The following PGM1 variants were observed in gnomAD, a reference collection of about 807,000 sequenced individuals.
PGM1 encodes phosphoglucomutase-1.
A neutral mutation model predicts 55.6 loss-of-function variants in PGM1; 52 were observed. The ratio of observed to expected loss-of-function variants is 0.94; its 90% CI spans 0.75 to 1.18. PGM1 has a LOEUF of 1.18. Among genes scored for constraint, PGM1 ranks in the 50% most tolerant of loss-of-function variants. The pLI, the probability that PGM1 is intolerant of heterozygous loss-of-function variation, is 0.00. For missense variants in PGM1, 724 were observed against 729.3 expected (o/e 0.99, Z 0.08); for synonymous variants, 287 against 271.7 (o/e 1.06, Z -0.55).
At chr1:63,623,272 A>G in intron 1 of PGM1, 1 of 1,429,128 alleles carries the variant, frequency 7.0e-7, no homozygotes, top group Non-Finnish European at 9.1e-7. Context: ...GTGGCCCTTA[A>G]CTTGTTCACA....
chr1:63,630,498 C>A (rs999989010), intron 3 of PGM1, among the ~76,000 whole-genome samples: 1 of 152,162 alleles, frequency 6.6e-6, no homozygotes, highest in African/African-American at 2.4e-5. Flanking sequence ...GATGAGGAAA[C>A]AAAGGCTGAG....
chr1:63,595,286 G>A (rs1283001438), intron 1 of PGM1, among the ~76,000 whole-genome samples: 2 of 152,128 alleles, frequency 1.3e-5, no homozygotes, highest in South Asian at 2.1e-4. Context: ...AGTTGCCAAC[G>A]AGGACGCTGA....
At chr1:63,637,927 C>T (rs1421582465) in intron 6 of PGM1, among the ~76,000 whole-genome samples, 1 of 152,138 alleles carries the variant, frequency 6.6e-6, no homozygotes, top group Non-Finnish European at 1.5e-5. Flanking sequence ...GGAAATAAGG[C>T]AAACATTCTG....
intron 1 of PGM1, among the ~76,000 whole-genome samples, chr1:63,619,835 C>T (rs892167223): frequency 3.3e-5 from 5 of 152,122 alleles, no homozygotes; most frequent in African/African-American, 1.2e-4. Flanking sequence ...AGAGGCCCAT[C>T]CACCTTTGTT....
rs1239797369 is a variant in PGM1 at position 63,638,712 on chromosome 1, G to A, written c.1056G>A (p.Leu352=). 8 of 1,613,790 alleles carry A rather than the reference G, an allele frequency of 5.0e-6. No individual in the cohort carries two copies. Among genetic ancestry groups the A allele is most frequent in the Non-Finnish European group, 6.8e-6 (8 of 1,179,826 alleles). ...TGGCTAGTGCTACAAAGATTGCTTT[G>A]TATGAGACCCCAACTGGCTGGAAGT... The part of the protein sequence containing the change: ...DRVASATKIA[L]YETPTGWKFF... The change falls in exon 7 of 11, where the codon TTG becomes TTA. Residue 352 remains leucine (L), a synonymous_variant. Transcript: ENST00000371084.
chr1:63,634,936 C>G lies in PGM1; in HGVS notation c.790C>G (p.Pro264Ala). The G allele has an allele frequency of 6.2e-7, 1 of 1,613,958 alleles. No homozygotes were observed. Among genetic ancestry groups the G allele is most frequent in the Non-Finnish European group, 8.5e-7 (1 of 1,179,974 alleles). The change falls in exon 5 of 11, where the codon CCC (proline) becomes GCC (alanine). Residue 264 changes from proline (P) to alanine (A), a missense_variant. Coordinates refer to ENST00000371084, the MANE Select transcript of PGM1 (RefSeq NM_002633.3). Reference sequence around the variant, plus strand: ...GGACTTTGGAGGCCACCACCCTGACCCCAACCTCACCTATGCAGCTGACCT... The same window carrying G: ...GGACTTTGGAGGCCACCACCCTGACGCCAACCTCACCTATGCAGCTGACCT... Reference protein sequence around the residue: ...LEDFGGHHPDPNLTYAADLVE... With the variant: ...LEDFGGHHPDANLTYAADLVE...
At chr1:63,602,710 C>T (rs367911390) in intron 1 of PGM1, among the ~76,000 whole-genome samples, 2 of 151,990 alleles carry the variant, frequency 1.3e-5, no homozygotes, top group Non-Finnish European at 2.9e-5. Context: ...GGGGCTAAAC[C>T]GACAAGTGTG....
At chr1:63,611,410 T>A (rs1648560838) in intron 1 of PGM1, among the ~76,000 whole-genome samples, 1 of 152,122 alleles carries the variant, frequency 6.6e-6, no homozygotes, top group South Asian at 2.1e-4. Flanking sequence ...ACTCCAGCAT[T>A]GCAGGAAGGG....
intron 1 of PGM1, among the ~76,000 whole-genome samples, chr1:63,595,477 C>G (rs1648035060): frequency 6.6e-6 from 1 of 152,182 alleles, no homozygotes; most frequent in Admixed American, 6.5e-5. Context: ...ATCTGCCTTC[C>G]TGGGCCAAAC....
chr1:63,651,793 G>C lies in PGM1; in HGVS notation c.1405G>C (p.Glu469Gln), dbSNP rs1649815297. 6.2e-7 allele frequency: 1 copy of C among 1,613,906 alleles called. No homozygotes were observed. The highest frequency in any genetic ancestry group is 8.5e-7 in the Non-Finnish European group (1 of 1,179,950). Reference protein sequence around the residue: ...FSANDKVYTVEKADNFEYSDP... With the variant: ...FSANDKVYTVQKADNFEYSDP... ...AGCAAATGACAAAGTTTACACTGTG[G>C]AGAAGGCCGATAACTTTGAATACAG... The change falls in exon 9 of 11, where the codon GAG (glutamate) becomes CAG (glutamine). Residue 469 changes from glutamate to glutamine, a missense_variant. This residue lies in a region of PGM1 where 316 missense variants were observed against 313.1 expected (regional missense o/e 1.01). Transcript: ENST00000371084.
At chr1:63,597,991 A>G (rs529647718) in intron 1 of PGM1, among the ~76,000 whole-genome samples, 282 of 152,190 alleles carry the variant, frequency 1.9e-3, no homozygotes, top group African/African-American at 6.6e-3. Context: ...AAAATTTGAG[A>G]CATGGTCTTA....
intron 1 of PGM1, among the ~76,000 whole-genome samples, chr1:63,619,498 A>G (rs1168852005): frequency 6.6e-6 from 1 of 152,214 alleles, no homozygotes; most frequent in African/African-American, 2.4e-5. Flanking sequence ...CCAGCTAAGG[A>G]TGGGACCCTT....
chr1:63,606,280 G>A (rs1038844413), intron 1 of PGM1, among the ~76,000 whole-genome samples: 17 of 152,164 alleles, frequency 1.1e-4, no homozygotes, highest in Admixed American at 4.6e-4. Context: ...TTCTGTTTTG[G>A]TACAGAATAC....
At chr1:63,651,575 G>A in intron 8 of PGM1, 94 bp from the exon 9 acceptor site, 1 of 1,183,942 alleles carries the variant, frequency 8.4e-7, no homozygotes. Context: ...AGTTTTGCGG[G>A]AGGGCCAAAC....
intron 1 of PGM1, among the ~76,000 whole-genome samples, chr1:63,609,650 G>A (rs746924764): frequency 6.6e-6 from 1 of 152,108 alleles, no homozygotes; most frequent in Non-Finnish European, 1.5e-5. Flanking sequence ...CTTTTCTCAG[G>A]CTAGCAAAAT....
chr1:63,654,400 G>A lies in PGM1; in HGVS notation c.1533G>A (p.Gly511=). ...GACTGAGCGGCACTGGGAGTGCCGG[G>A]GCCACCATTCGGCTGTACATCGATA... The part of the protein sequence containing the change: ...VFRLSGTGSA[G]ATIRLYIDSY... The change falls in exon 10 of 11, where the codon GGG becomes GGA. Residue 511 remains glycine (G), a synonymous_variant. Transcript: ENST00000371084. The A allele has an allele frequency of 6.2e-7, 1 of 1,613,910 alleles. No individual in the cohort carries two copies. The highest frequency in any genetic ancestry group is 8.5e-7 in the Non-Finnish European group (1 of 1,179,832).
At chr1:63,623,793 G>T in intron 1 of PGM1, 1 of 1,488,624 alleles carries the variant, frequency 6.7e-7, no homozygotes, top group Non-Finnish European at 9.2e-7. Flanking sequence ...TATGTTTCTG[G>T]CTCTCCAAAT....
chr1:63,633,597 A>G (rs1649255627), intron 4 of PGM1, among the ~76,000 whole-genome samples: 1 of 152,086 alleles, frequency 6.6e-6, no homozygotes, highest in Admixed American at 6.6e-5. Context: ...TGTTCTTGGT[A>G]GTTATATAAA....
chr1:63,625,076 A>C (rs1320868085), intron 1 of PGM1, among the ~76,000 whole-genome samples: 1 of 152,234 alleles, frequency 6.6e-6, no homozygotes, highest in African/African-American at 2.4e-5. Flanking sequence ...CGAATGGAAC[A>C]TTATTTCTCC....
Sources: allele counts gnomAD v4.1 joint callset (sites outside exome capture counted in the v4.1 genomes callset), GRCh38; gene constraint gnomAD v4.1.1; regional missense constraint gnomAD v4.1.1; transcripts MANE v1.5; gene names NCBI Gene and HGNC (gene_info 2026-07-23, HGNC 2026-07-21).